PTK2: variants seen among roughly 807,000 people sequenced by gnomAD.
PTK2 encodes focal adhesion kinase 1.
In PTK2, 45 loss-of-function variants were observed where a neutral mutation model predicts 150.1. That is an observed-to-expected ratio of 0.30 (90% CI 0.24 to 0.38). The LOEUF is 0.38. PTK2 is among the 10% of genes least tolerant of loss of function. PTK2 has a pLI of 1.00. For synonymous variants in PTK2, 432 were observed against 449.2 expected (o/e 0.96, Z 0.48); for missense variants, 919 against 1,307.3 (o/e 0.70, Z 4.58).
intron 11 of PTK2, among the ~76,000 whole-genome samples, chr8:140,803,170 A>G (rs1432069299): frequency 1.3e-5 from 2 of 151,714 alleles, no homozygotes; most frequent in Non-Finnish European, 2.9e-5. Context: ...GTGCACCACC[A>G]TGCCTGGCTT....
intron 17 of PTK2, among the ~76,000 whole-genome samples, chr8:140,747,704 G>T (rs560422412): frequency 1.4e-4 from 12 of 88,552 alleles, no homozygotes; most frequent in African/African-American, 4.9e-4. Flanking sequence ...GAGGGAGGAG[G>T]AGGGGGAGGA....
At chr8:140,825,421 T>C (rs2100111242) in intron 8 of PTK2, among the ~76,000 whole-genome samples, 1 of 152,228 alleles carries the variant, frequency 6.6e-6, no homozygotes, top group South Asian at 2.1e-4. Flanking sequence ...AATAAAATCA[T>C]GTGTTCCTGG....
chr8:140,720,747 TTTTC>T lies in PTK2; in HGVS notation c.2031-3042_2031-3039del, dbSNP rs58983259. 3.3e-5 allele frequency among the ~76,000 whole-genome samples: 5 copies of T among 152,198 alleles called. 1 individual carries two copies. In the South Asian group the frequency reaches 8.3e-4, roughly 25 times the overall value. On this transcript the variant is annotated intron_variant, in intron 22 of 31. Coordinates refer to ENST00000522684, the Ensembl canonical transcript of PTK2. Reference sequence around the variant, plus strand: ...CATTCCCACAAAGAGCTCTAAGTCTTTTTCTTTCTTTCTTTCTTGTTTTTGGGGC... The same window carrying T: ...CATTCCCACAAAGAGCTCTAAGTCTTTTTCTTTCTTTCTTGTTTTTGGGGC...
At chr8:140,743,453 TATG>T (rs1407433826) in intron 19 of PTK2, 123 bp from the exon 23 acceptor site, 7 of 543,270 alleles carry the variant, frequency 1.3e-5, no homozygotes, top group Admixed American at 6.2e-5. Flanking sequence ...GAGCAGATTA[TATG>T]ATATTTATTA....
chr8:140,871,243 T>TA (rs990795853), intron 4 of PTK2, among the ~76,000 whole-genome samples: 3 of 152,056 alleles, frequency 2.0e-5, no homozygotes, highest in Non-Finnish European at 2.9e-5. Flanking sequence ...CTCCACTAAA[T>TA]AAAAAAATCT....
At chr8:140,681,718 C>T (rs529381809) in intron 27 of PTK2, among the ~76,000 whole-genome samples, 3 of 150,108 alleles carry the variant, frequency 2.0e-5, no homozygotes, top group South Asian at 2.1e-4. Context: ...TGGAGCTTGC[C>T]GTGAGCCGAG....
At chr8:140,883,230 T>C (rs1568131176) in intron 3 of PTK2, among the ~76,000 whole-genome samples, 3 of 152,200 alleles carry the variant, frequency 2.0e-5, no homozygotes, top group Non-Finnish European at 1.5e-5. Flanking sequence ...AAGTGCCTAC[T>C]ACATGCATGA....
intron 26 of PTK2, among the ~76,000 whole-genome samples, chr8:140,692,786 G>A (rs1401483669): frequency 6.6e-6 from 1 of 152,166 alleles, no homozygotes; most frequent in African/African-American, 2.4e-5. Context: ...CTGGTATGAG[G>A]GAAAAAATAG....
chr8:140,671,747 A>C (rs2095482675), intron 29 of PTK2, among the ~76,000 whole-genome samples: 2 of 139,672 alleles, frequency 1.4e-5, no homozygotes, highest in Non-Finnish European at 3.1e-5. Context: ...CCCCGTCTCT[A>C]CTAAAAATAC....
At chr8:140,838,093 A>G (rs1177688113) in intron 7 of PTK2, among the ~76,000 whole-genome samples, 1 of 152,146 alleles carries the variant, frequency 6.6e-6, no homozygotes, top group African/African-American at 2.4e-5. Flanking sequence ...CTGAAAGGGC[A>G]TTGTGCATTA....
upstream of PTK2, among the ~76,000 whole-genome samples, chr8:141,001,783 A>G (rs1327616613): frequency 1.3e-5 from 2 of 152,184 alleles, no homozygotes; most frequent in Non-Finnish European, 2.9e-5. Context: ...TGCACTCTCC[A>G]GGCACCACAC....
At chr8:140,987,737 T>C (rs1158251970) in intron 1 of PTK2, among the ~76,000 whole-genome samples, 2 of 152,144 alleles carry the variant, frequency 1.3e-5, no homozygotes, top group Non-Finnish European at 2.9e-5. Flanking sequence ...TAGAAGATAG[T>C]TTGGCACTTT....
intron 24 of PTK2, among the ~76,000 whole-genome samples, chr8:140,705,392 G>C (rs1354290204): frequency 6.6e-6 from 1 of 152,132 alleles, no homozygotes; most frequent in Admixed American, 6.5e-5. Flanking sequence ...CACTCTATAT[G>C]ATCTATTTAT....
At chr8:140,775,384 G>T (rs10095231) in intron 14 of PTK2, among the ~76,000 whole-genome samples, 3,333 of 152,150 alleles carry the variant, frequency 0.022, 128 homozygotes, top group African/African-American at 0.077. Context: ...ACTTGGGAGG[G>T]TGAGGTGTGA....
At position 140,747,699 on chromosome 8, in the gene PTK2, AGGAGGAGGGGGAGGAAGGGAGGAGGGG is replaced by A. The variant is rs1460138539; in HGVS notation, c.1418-866_1418-840del. ...AGAAGGAAGGGGAGGAGGAGGAGGG[AGGAGGAGGGGGAGGAAGGGAGGAGGGG>A]GAGGAAGGAAGTAGGAGGAGGGGGA... is the stretch of plus-strand genomic sequence containing the variant. On this transcript the variant is annotated intron_variant, in intron 17 of 31. Transcript: ENST00000522684. 6.0e-4 allele frequency among the ~76,000 whole-genome samples: 33 copies of A among 54,596 alleles called. No individual in the cohort carries two copies. The East Asian group carries it at 0.015, about 26-fold the overall frequency. 35.8% of individuals were successfully genotyped at this position (54,596 alleles called of 152,430 possible).
chr8:140,913,364 T>C (rs1261756227), intron 2 of PTK2, among the ~76,000 whole-genome samples: 3 of 151,816 alleles, frequency 2.0e-5, no homozygotes, highest in Non-Finnish European at 4.4e-5. Context: ...GGTGCAATCT[T>C]TGCTCATTGC....
intron 10 of PTK2, 136 bp downstream of exon 10, chr8:140,818,141 A>C: frequency 1.4e-6 from 1 of 739,758 alleles, no homozygotes; most frequent in East Asian, 2.7e-5. Context: ...CTTGTCCCCC[A>C]CTCCACTGAA....
intron 1 of PTK2, among the ~76,000 whole-genome samples, chr8:140,977,979 G>C (rs2100189927): frequency 6.6e-6 from 1 of 152,088 alleles, no homozygotes; most frequent in Non-Finnish European, 1.5e-5. Flanking sequence ...TCTGATCTTT[G>C]ACAAATCTGA....
At chr8:140,759,277 AT>A (rs1389410983) in intron 16 of PTK2, among the ~76,000 whole-genome samples, 3 of 152,160 alleles carry the variant, frequency 2.0e-5, no homozygotes, top group Non-Finnish European at 4.4e-5. Context: ...TGCTAGTAAT[AT>A]AAAATGGTAC....
Sources: gnomAD v4.1 joint callset for allele counts (sites outside exome capture counted in the v4.1 genomes callset) on GRCh38, gnomAD v4.1.1 for gene constraint, MANE v1.5 for transcripts, NCBI Gene and HGNC (gene_info 2026-07-23, HGNC 2026-07-21) for gene names.